Variants in HOXA10 observed in about 807,000 individuals in gnomAD.
HOXA10 encodes homeobox protein Hox-A10.
HOXA10 carries 12 observed loss-of-function variants against 29.7 expected under a neutral mutation model. The ratio of observed to expected loss-of-function variants is 0.40; its 90% CI spans 0.26 to 0.65. HOXA10 has a LOEUF of 0.65. Among genes scored for constraint, HOXA10 ranks in the 30% least tolerant of loss-of-function variants. The probability of loss-of-function intolerance (pLI) is 0.37; values close to 1 mark genes in which losing one functional copy is unlikely to be tolerated. For missense variants in HOXA10, 656 were observed against 585.9 expected (o/e 1.12, Z -1.24); for synonymous variants, 327 against 280.7 (o/e 1.16, Z -1.65).
At chr7:27,175,478 G>A (rs1012089409), upstream of HOXA10, among the ~76,000 whole-genome samples, 4 of 152,176 alleles carry the variant, frequency 2.6e-5, no homozygotes, top group African/African-American at 9.7e-5. Flanking sequence ...AGGCCTCGGT[G>A]AGGAAATCCT....
At chr7:27,172,665 G>A (rs1312130062) in intron 1 of HOXA10, 1 of 183,288 alleles carries the variant, frequency 5.5e-6, no homozygotes, top group East Asian at 1.6e-4. Flanking sequence ...CAATGGGGAA[G>A]GCAGGAAAAA....
rs1187313791 is a variant in HOXA10, at chr7:27,171,562, GC to G, written c.*336del. On this transcript the variant is annotated 3_prime_UTR_variant, in exon 2 of 2. Coordinates refer to ENST00000283921, the MANE Select transcript of HOXA10 (RefSeq NM_018951.4). ...CCAGGCTGGGCAGGAAACCAGCTCGGCCGAAGACAGGGGCCATTTCGAGCAG... is the reference window on the plus strand; with the variant it reads ...CCAGGCTGGGCAGGAAACCAGCTCGGCGAAGACAGGGGCCATTTCGAGCAG... The G allele has an allele frequency of 2.0e-6, 1 of 488,378 alleles. No homozygotes were observed. Among genetic ancestry groups the G allele is most frequent in the East Asian group, 5.8e-5 (1 of 17,330 alleles). The allele number at this position is 488,378 out of a possible 1,614,324, so 30.3% of individuals were successfully genotyped here.
chr7:27,179,778 T>C (rs755126492), exon 1 of HOXA10: 1 of 711,752 alleles, frequency 1.4e-6, no homozygotes, highest in Non-Finnish European at 2.6e-6. Flanking sequence ...CCCCTTTTTC[T>C]GTTATGAAGG....
At position 27,174,160 on chromosome 7, in the gene HOXA10, C is replaced by A. The variant is rs750802108; in HGVS notation, c.147G>T (p.Ala49=). The A allele has an allele frequency of 2.1e-5, 34 of 1,596,300 alleles. 1 individual carries two copies. In the African/African-American group the frequency reaches 3.6e-4, roughly 17 times the overall value. The change falls in exon 1 of 2, where the codon GCG becomes GCT. Residue 49 remains alanine (A), a synonymous_variant. Transcript: ENST00000283921. ...AGTAACCGCCACCGCCGCCGCCCCC[C>A]GCGCCACCACCACCGCCGCCTGCCT... is the stretch of plus-strand genomic sequence containing the variant. ...RGEAGGGGGG[A]GGGGGGGYYA... is the part of the protein sequence containing the mutation.
upstream of HOXA10, among the ~76,000 whole-genome samples, chr7:27,177,862 G>A (rs749047436): frequency 1.3e-5 from 2 of 152,040 alleles, no homozygotes; most frequent in Admixed American, 6.5e-5. Flanking sequence ...CTTATGCAGC[G>A]GTTACACAGT....
At chr7:27,177,438 C>T (rs146333357), upstream of HOXA10, among the ~76,000 whole-genome samples, 4 of 152,250 alleles carry the variant, frequency 2.6e-5, no homozygotes, top group African/African-American at 7.2e-5. Context: ...GAGACACTGC[C>T]GGTGAGCTGG....
In HOXA10 at chr7:27,174,026, G is replaced by A; in HGVS notation, c.281C>T (p.Pro94Leu). ...ACCCCCGCCACCGCCACCGCTGCCC[G>A]GCGACGCTGCCTCATTGCGCTTGCC... ...LGGKRNEAAS[P>L]GSGGGGGGLG... The change falls in exon 1 of 2, where the codon CCG becomes CTG. Residue 94 changes from proline (P) to leucine (L), a missense_variant. Physicochemically the swap from Pro to Leu is moderately conservative, Grantham distance 98. Around this residue, in one of 2 missense-constraint regions of HOXA10, gnomAD observed 594 missense variants for 491.9 expected, o/e 1.21. Transcript: ENST00000283921. The A allele has an allele frequency of 6.5e-7, 1 of 1,530,522 alleles. No individual in the cohort carries two copies. Among genetic ancestry groups the A allele is most frequent in the South Asian group, 1.2e-5 (1 of 83,866 alleles). The allele number at this position is 1,530,522 out of a possible 1,614,324, so 94.8% of individuals were successfully genotyped here. A position where few individuals can be genotyped will look rare whatever the true frequency, so the allele number is the denominator to read the frequency against.
At position 27,173,890 on chromosome 7, in the gene HOXA10, C is replaced by G. The variant is rs1397882001; in HGVS notation, c.417G>C (p.Gln139His). 6.4e-6 allele frequency: 10 copies of G among 1,550,944 alleles called. No individual in the cohort carries two copies. The highest frequency in any genetic ancestry group is 8.7e-6 in the Non-Finnish European group (10 of 1,149,222). Reference sequence around the variant, plus strand: ...GTGGTTGCGGCGGGGGCGGCGGCTGCTGCTGGGGCGGCGGCGGCGGCCCGT... The same window carrying G: ...GTGGTTGCGGCGGGGGCGGCGGCTGGTGCTGGGGCGGCGGCGGCGGCCCGT... The part of the protein sequence containing the change: ...PPDGPPPPPQ[Q>H]QPPPPPQPPQ... The change falls in exon 1 of 2, where the codon CAG becomes CAC. Residue 139 changes from glutamine to histidine, a missense_variant. Gln to His is a conservative substitution (Grantham distance 24). Transcript: ENST00000283921.
At position 27,171,940 on chromosome 7, in the gene HOXA10, T is replaced by G; in HGVS notation, c.1192A>C (p.Asn398His). 3 of 1,614,166 alleles carry G rather than the reference T, an allele frequency of 1.9e-6. No homozygotes were observed. Among genetic ancestry groups the G allele is most frequent in the Non-Finnish European group, 2.5e-6 (3 of 1,180,032 alleles). Residue 398 changes from asparagine to histidine, a missense_variant, in exon 2 of 2, where the codon AAC becomes CAC. Asn to His is a moderately conservative substitution (Grantham distance 68, BLOSUM62 1). Coordinates refer to ENST00000283921, the MANE Select transcript of HOXA10 (RefSeq NM_018951.4). ...RMKLKKMNRENRIRELTANFN... is the reference protein window; with the variant it reads ...RMKLKKMNREHRIRELTANFN... The stretch of plus-strand genomic sequence containing the variant: ...TTGGCTGTGAGCTCCCGGATCCGGT[T>G]TTCTCGATTCATTTTCTTCAGTTTC...
Position 27,173,821 on chromosome 7 carries a change from G to A in HOXA10, c.486C>T (p.Asn162=). ...GGCAGTAGGAGCTCTCTTCTTTGAT[G>A]TTCTGCGCGAAAGAGCACGAGGTGG... ...PQATSCSFAQ[N]IKEESSYCLY... is the part of the protein sequence containing the mutation. Residue 162 remains asparagine (N), a synonymous_variant, in exon 1 of 2, where the codon AAC becomes AAT. Coordinates refer to ENST00000283921, the MANE Select transcript of HOXA10 (RefSeq NM_018951.4). 1 of 1,611,406 alleles carries A rather than the reference G, an allele frequency of 6.2e-7. No homozygotes were observed. The highest frequency in any genetic ancestry group is 8.5e-7 in the Non-Finnish European group (1 of 1,178,826).
At chr7:27,175,450 AGT>A (rs1381510401), upstream of HOXA10, among the ~76,000 whole-genome samples, 1 of 151,692 alleles carries the variant, frequency 6.6e-6, no homozygotes, top group Non-Finnish European at 1.5e-5. Context: ...TTGCTCCTGC[AGT>A]GTGTGCATTT....
intron 1 of HOXA10, among the ~76,000 whole-genome samples, chr7:27,179,485 G>C (rs1378169205): frequency 6.6e-6 from 1 of 152,116 alleles, no homozygotes; most frequent in Non-Finnish European, 1.5e-5. Flanking sequence ...TTTCTACTTA[G>C]GCCTCCCCCT....
At position 27,173,565 on chromosome 7, in the gene HOXA10, G is replaced by T. The variant is rs1406013325; in HGVS notation, c.742C>A (p.Arg248Ser). 14 of 1,462,894 alleles carry T rather than the reference G, an allele frequency of 9.6e-6. No homozygotes were observed. Among genetic ancestry groups the T allele is most frequent in the Non-Finnish European group, 1.2e-5 (13 of 1,115,254 alleles). The allele number at this position is 1,462,894 out of a possible 1,614,324, so 90.6% of individuals were successfully genotyped here. Residue 248 changes from arginine to serine, a missense_variant, in exon 1 of 2, where the codon CGC becomes AGC. Physicochemically the swap from Arg to Ser is moderately radical, Grantham distance 110 (BLOSUM62 -1). Around this residue, in one of 2 missense-constraint regions of HOXA10, gnomAD observed 594 missense variants for 491.9 expected, o/e 1.21. Transcript: ENST00000283921. ...AGCGCGGGCGGGAGATCGAAACCGCGCCCCGGGGGCTGCGCGGGGAACGGG... is the reference window on the plus strand; with the variant it reads ...AGCGCGGGCGGGAGATCGAAACCGCTCCCCGGGGGCTGCGCGGGGAACGGG... ...AGPFPAQPPG[R>S]GFDLPPALAS...
chr7:27,179,641 C>G (rs1336393009), intron 1 of HOXA10: 1 of 778,722 alleles, frequency 1.3e-6, no homozygotes, highest in Non-Finnish European at 2.4e-6. Context: ...CTTGTGGCCT[C>G]TTACCTTGAC....
intron 1 of HOXA10, 150 bp downstream of exon 1, chr7:27,173,199 A>G: frequency 3.1e-6 from 4 of 1,308,498 alleles, no homozygotes; most frequent in Non-Finnish European, 4.2e-6. Flanking sequence ...CCACGCCCAA[A>G]TATTAAAAAG....
Position 27,173,367 on chromosome 7 carries a change from GC to G in HOXA10, c.939del (p.Pro314ArgfsTer54). On this transcript the variant is annotated frameshift_variant, in exon 1 of 2. Transcript: ENST00000283921. LOFTEE classifies it high-confidence loss of function. ...SPAPSESSKA[S>X]PEKDSLGNSK... ...TGCTTACCCAGGGAATCCTTCTCCG[GC>G]GAGGCTTTGCTGCTCTCGGAAGGGG... is the stretch of plus-strand genomic sequence containing the variant. 2 of 1,612,046 alleles carry G rather than the reference GC, an allele frequency of 1.2e-6. No homozygotes were observed. The highest frequency in any genetic ancestry group is 1.7e-6 in the Non-Finnish European group (2 of 1,179,766).
upstream of HOXA10, among the ~76,000 whole-genome samples, chr7:27,177,032 G>A (rs150418509): frequency 2.6e-3 from 399 of 152,350 alleles, 2 homozygotes; most frequent in African/African-American, 9.1e-3. Flanking sequence ...CCCTGCAGCA[G>A]ACAGCTCAGG....
Position 27,171,504 on chromosome 7 carries a change from C to A in HOXA10, c.*395G>T, listed in dbSNP as rs755143342. The A allele has an allele frequency of 2.2e-6, 1 of 464,206 alleles. No homozygotes were observed. Among genetic ancestry groups the A allele is most frequent in the South Asian group, 1.5e-5 (1 of 64,548 alleles). 28.8% of individuals were successfully genotyped at this position (464,206 alleles called of 1,614,324 possible). ...CTCAGGCCAGACACCTCAGCGCCAA[C>A]AATGGGACCTCGGCCTTCCGGCTAG... On this transcript the variant is annotated 3_prime_UTR_variant, in exon 2 of 2. Coordinates refer to ENST00000283921, the MANE Select transcript of HOXA10 (RefSeq NM_018951.4).
upstream of HOXA10, among the ~76,000 whole-genome samples, chr7:27,176,247 G>A (rs1783653100): frequency 6.6e-6 from 1 of 152,268 alleles, no homozygotes; most frequent in South Asian, 2.1e-4. Flanking sequence ...GGGTCTTGAA[G>A]CTGCAGCAGC....
Sources: gnomAD v4.1 joint callset for allele counts (sites outside exome capture counted in the v4.1 genomes callset) on GRCh38, gnomAD v4.1.1 for gene constraint, gnomAD v4.1.1 regional missense constraint, MANE v1.5 for transcripts, NCBI Gene and HGNC (gene_info 2026-07-23, HGNC 2026-07-21) for gene names.